The following GPR63 variants were observed in gnomAD, a reference collection of about 807,000 sequenced individuals.
The protein encoded by GPR63 is probable G protein-coupled receptor 63.
GPR63 carries 12 observed loss-of-function variants against 23.1 expected under a neutral mutation model. The observed-to-expected ratio is 0.52, with a 90% CI of 0.33 to 0.84. The LOEUF is 0.84. Ranked by LOEUF, GPR63 falls within the 40% of genes least tolerant of loss-of-function variation. The pLI, the probability that GPR63 is intolerant of heterozygous loss-of-function variation, is 0.02. For synonymous variants in GPR63, 172 were observed against 191.1 expected, an observed-to-expected ratio of 0.90 and a Z score of 0.82; for missense variants, 472 against 515.6, an observed-to-expected ratio of 0.92 and a Z score of 0.82.
intron 1 of GPR63, among the ~76,000 whole-genome samples, chr6:96,832,738 C>T (rs1774620334): frequency 6.6e-6 from 1 of 151,756 alleles, no homozygotes; most frequent in African/African-American, 2.4e-5. Flanking sequence ...AGCCCCTCAG[C>T]ACAAGTTTAC....
At chr6:96,832,027 A>G (rs780606619) in intron 1 of GPR63, among the ~76,000 whole-genome samples, 17 of 152,152 alleles carry the variant, frequency 1.1e-4, no homozygotes, top group Non-Finnish European at 2.4e-4. Flanking sequence ...TCCATAGAAT[A>G]ATATTATTCA....
At chr6:96,829,089 T>C (rs1186039239) in intron 1 of GPR63, among the ~76,000 whole-genome samples, 1 of 152,180 alleles carries the variant, frequency 6.6e-6, no homozygotes, top group Non-Finnish European at 1.5e-5. Context: ...ATCAAGTAGA[T>C]AAAAACATGA....
At chr6:96,833,650 A>G (rs1413997684) in intron 1 of GPR63, among the ~76,000 whole-genome samples, 1 of 152,198 alleles carries the variant, frequency 6.6e-6, no homozygotes, top group East Asian at 1.9e-4. Flanking sequence ...AAGTCAATTG[A>G]GAGAAAGAAG....
At chr6:96,815,173 G>A (rs933007197) in intron 1 of GPR63, among the ~76,000 whole-genome samples, 6 of 152,168 alleles carry the variant, frequency 3.9e-5, no homozygotes, top group South Asian at 2.1e-4. Flanking sequence ...TTCCAGGAGC[G>A]AGATAATTTA....
In GPR63 at chr6:96,837,420, G is replaced by A. The variant is rs533078211; in HGVS notation, c.-303C>T. 30 of 154,196 alleles carry A rather than the reference G, an allele frequency of 1.9e-4. No individual in the cohort carries two copies. The highest frequency in any genetic ancestry group is 3.6e-4 in the Non-Finnish European group (25 of 69,028). The allele number at this position is 154,196 out of a possible 1,614,324, so 9.6% of individuals were successfully genotyped here. A position where few individuals can be genotyped will look rare whatever the true frequency, so the allele number is the denominator to read the frequency against. On this transcript the variant is annotated 5_prime_UTR_variant, in exon 1 of 2. Coordinates refer to ENST00000229955, the MANE Select transcript of GPR63 (RefSeq NM_030784.4). ...GGAGGAGGAAGGAGGACAACGAAGA[G>A]GAGGTGGTGGCGGCGGCGGCGATAC...
rs1264029971 is a variant in GPR63, at chr6:96,803,760, T to C, written c.-150-3879A>G. Reference sequence around the variant, plus strand: ...TTTATGTAAGAATAGGTTAAAAAGTTTCACACTTACAATTTGTATTTCCAA... The same window carrying C: ...TTTATGTAAGAATAGGTTAAAAAGTCTCACACTTACAATTTGTATTTCCAA... On this transcript the variant is annotated intron_variant, in intron 1 of 1. Transcript: ENST00000229955. 6.6e-5 allele frequency among the ~76,000 whole-genome samples: 10 copies of C among 152,212 alleles called. No individual in the cohort carries two copies. In the East Asian group the frequency reaches 1.9e-3, roughly 29 times the overall value.
At chr6:96,812,088 G>C (rs2127951249) in intron 1 of GPR63, among the ~76,000 whole-genome samples, 1 of 152,114 alleles carries the variant, frequency 6.6e-6, no homozygotes, top group Admixed American at 6.5e-5. Context: ...AAGTGAGACA[G>C]GGTAGGGAAG....
chr6:96,806,598 T>C (rs1773903298), intron 1 of GPR63, among the ~76,000 whole-genome samples: 2 of 152,208 alleles, frequency 1.3e-5, no homozygotes, highest in South Asian at 2.1e-4. Flanking sequence ...ACCAGATCTT[T>C]AGAATTTTGG....
chr6:96,822,164 A>G (rs1774330644), intron 1 of GPR63, among the ~76,000 whole-genome samples: 1 of 152,184 alleles, frequency 6.6e-6, no homozygotes, highest in African/African-American at 2.4e-5. Flanking sequence ...ATATAGAACT[A>G]TGAAATTTTG....
At chr6:96,831,952 A>G (rs1208063525) in intron 1 of GPR63, among the ~76,000 whole-genome samples, 4 of 151,876 alleles carry the variant, frequency 2.6e-5, no homozygotes, top group Non-Finnish European at 4.4e-5. Context: ...TAAAAATTGC[A>G]CTGTAAGATA....
intron 1 of GPR63, among the ~76,000 whole-genome samples, chr6:96,815,124 G>A (rs1277587665): frequency 6.6e-6 from 1 of 152,162 alleles, no homozygotes. Context: ...CCTTCAAAAT[G>A]CAACTGGTAA....
At chr6:96,831,693 G>A (rs964932481) in intron 1 of GPR63, among the ~76,000 whole-genome samples, 3 of 151,932 alleles carry the variant, frequency 2.0e-5, no homozygotes, top group Non-Finnish European at 4.4e-5. Flanking sequence ...GATCACTAGA[G>A]GTCAGGAGTT....
chr6:96,809,141 C>T (rs554552164), intron 1 of GPR63, among the ~76,000 whole-genome samples: 1 of 152,172 alleles, frequency 6.6e-6, no homozygotes, highest in East Asian at 1.9e-4. Flanking sequence ...CAATAAAAGA[C>T]CATCCTTGGA....
chr6:96,814,377 T>G (rs1774112559), intron 1 of GPR63, among the ~76,000 whole-genome samples: 1 of 152,324 alleles, frequency 6.6e-6, no homozygotes, highest in Non-Finnish European at 1.5e-5. Flanking sequence ...ATTTCAGATG[T>G]GCAATTATTA....
chr6:96,799,930 A>G (rs1773719017), intron 1 of GPR63, 49 bp from the exon 2 acceptor site: 1 of 613,202 alleles, frequency 1.6e-6, no homozygotes, highest in Non-Finnish European at 3.0e-6. Context: ...TGAGATTTGC[A>G]AATAACATTT....
chr6:96,814,656 CTT>C (rs1412905698), intron 1 of GPR63, among the ~76,000 whole-genome samples: 1 of 152,164 alleles, frequency 6.6e-6, no homozygotes, highest in Admixed American at 6.5e-5. Flanking sequence ...TTTCATTCCA[CTT>C]AATATAGCAA....
intron 1 of GPR63, among the ~76,000 whole-genome samples, chr6:96,831,912 A>AG (rs1774593563): frequency 6.6e-6 from 1 of 151,976 alleles, no homozygotes; most frequent in Non-Finnish European, 1.5e-5. Context: ...TCACAAAAAA[A>AG]AAATAAAAAA....
chr6:96,813,230 C>T (rs1162520795), intron 1 of GPR63, among the ~76,000 whole-genome samples: 1 of 152,106 alleles, frequency 6.6e-6, no homozygotes, highest in African/African-American at 2.4e-5. Context: ...TGTTCTTTAT[C>T]CCTTTGTCTG....
At position 96,798,667 on chromosome 6, in the gene GPR63, C is replaced by A. The variant is rs1269432599; in HGVS notation, c.1065G>T (p.Trp355Cys). 2 of 1,614,162 alleles carry A rather than the reference C, an allele frequency of 1.2e-6. No individual in the cohort carries two copies. Among genetic ancestry groups the A allele is most frequent in the Non-Finnish European group, 1.7e-6 (2 of 1,180,026 alleles). The change falls in exon 2 of 2, where the codon TGG becomes TGT. Residue 355 changes from tryptophan (W) to cysteine (C), a missense_variant. Coordinates refer to ENST00000229955, the MANE Select transcript of GPR63 (RefSeq NM_030784.4). ...ACTTGAGGTAGCAGAGCCACAGTAG[C>A]CAGGTGCTAATCTCAAAAAAGTTGT... ...YQHNFFEISTWLLWLCYLKSA... is the reference protein window; with the variant it reads ...YQHNFFEISTCLLWLCYLKSA...
Sources: gnomAD v4.1 joint callset for allele counts (sites outside exome capture counted in the v4.1 genomes callset) on GRCh38, gnomAD v4.1.1 for gene constraint, MANE v1.5 for transcripts, NCBI Gene and HGNC (gene_info 2026-07-23, HGNC 2026-07-21) for gene names.